The following MOB3B variants were observed in gnomAD, a reference collection of about 807,000 sequenced individuals.
MOB3B encodes the protein MOB kinase activator-like 2B.
MOB3B carries 7 observed loss-of-function variants against 18.7 expected under a neutral mutation model. That is an observed-to-expected ratio of 0.37 (90% CI 0.21 to 0.70). The LOEUF (loss-of-function observed/expected upper bound fraction) is 0.70. Ranked by LOEUF, MOB3B falls within the 30% of genes least tolerant of loss-of-function variation. MOB3B has a pLI of 0.52. For missense variants in MOB3B, 253 were observed against 281.3 expected (o/e 0.90, Z 0.72); for synonymous variants, 111 against 99.9 (o/e 1.11, Z -0.66).
At chr9:27,345,605 T>C (rs1217162164) in intron 3 of MOB3B, among the ~76,000 whole-genome samples, 1 of 152,180 alleles carries the variant, frequency 6.6e-6, no homozygotes, top group Non-Finnish European at 1.5e-5. Context: ...TGTTAACTGA[T>C]ATTTGTTACC....
chr9:27,456,641 G>GT (rs1345045738), intron 1 of MOB3B, among the ~76,000 whole-genome samples: 2 of 152,148 alleles, frequency 1.3e-5, no homozygotes, highest in Non-Finnish European at 2.9e-5. Flanking sequence ...AACTATGACA[G>GT]TATTTGTCAC....
intron 2 of MOB3B, among the ~76,000 whole-genome samples, chr9:27,379,875 T>C (rs1376565611): frequency 1.3e-5 from 2 of 152,228 alleles, no homozygotes; most frequent in Admixed American, 6.5e-5. Flanking sequence ...TTCAATATAG[T>C]ACAAAGTGTA....
At chr9:27,378,968 G>T (rs1048542150) in intron 2 of MOB3B, among the ~76,000 whole-genome samples, 1 of 152,148 alleles carries the variant, frequency 6.6e-6, no homozygotes, top group Non-Finnish European at 1.5e-5. Context: ...GCTCTGTTCT[G>T]CCTCCTCAGG....
intron 1 of MOB3B, among the ~76,000 whole-genome samples, chr9:27,497,803 T>G (rs1819922636): frequency 6.6e-6 from 1 of 152,206 alleles, no homozygotes; most frequent in African/African-American, 2.4e-5. Flanking sequence ...ACATTTGGCT[T>G]TAACTTCTTG....
chr9:27,332,866 T>C (rs1820808159), intron 3 of MOB3B, among the ~76,000 whole-genome samples: 1 of 152,232 alleles, frequency 6.6e-6, no homozygotes, highest in Non-Finnish European at 1.5e-5. Context: ...GGCTTGCTCT[T>C]TCTACTACAC....
chr9:27,528,064 A>C (rs1164564543), intron 1 of MOB3B, among the ~76,000 whole-genome samples: 2 of 152,194 alleles, frequency 1.3e-5, no homozygotes, highest in African/African-American at 2.4e-5. Flanking sequence ...TACAATGAAG[A>C]AAGGGGACTT....
At chr9:27,387,514 A>T (rs1821665379) in intron 2 of MOB3B, among the ~76,000 whole-genome samples, 1 of 152,218 alleles carries the variant, frequency 6.6e-6, no homozygotes, top group Non-Finnish European at 1.5e-5. Context: ...GGAATTCAAT[A>T]AGCTAATATG....
intron 1 of MOB3B, among the ~76,000 whole-genome samples, chr9:27,473,292 G>A (rs748114152): frequency 6.6e-6 from 1 of 152,174 alleles, no homozygotes; most frequent in African/African-American, 2.4e-5. Context: ...CTTGTGAAAT[G>A]TGAGTACAAT....
At chr9:27,346,909 T>C (rs1821037675) in intron 3 of MOB3B, among the ~76,000 whole-genome samples, 1 of 152,104 alleles carries the variant, frequency 6.6e-6, no homozygotes, top group African/African-American at 2.4e-5. Flanking sequence ...GGTGGGAGAA[T>C]TGCTTGAACC....
At chr9:27,482,548 C>T (rs1446999985) in intron 1 of MOB3B, among the ~76,000 whole-genome samples, 1 of 152,192 alleles carries the variant, frequency 6.6e-6, no homozygotes, top group Non-Finnish European at 1.5e-5. Context: ...ATAGACCTTA[C>T]TATGAGGTAA....
chr9:27,381,567 C>T (rs146424741), intron 2 of MOB3B, among the ~76,000 whole-genome samples: 30 of 152,280 alleles, frequency 2.0e-4, no homozygotes, highest in African/African-American at 7.2e-4. Context: ...CACCAGTCAT[C>T]GCACTCTAGG....
At chr9:27,343,044 G>A (rs1431037514) in intron 3 of MOB3B, among the ~76,000 whole-genome samples, 2 of 151,888 alleles carry the variant, frequency 1.3e-5, no homozygotes, top group Non-Finnish European at 2.9e-5. Context: ...ATAGAAAAGG[G>A]GGAAATGTGG....
intron 1 of MOB3B, among the ~76,000 whole-genome samples, chr9:27,471,174 A>G (rs1431439480): frequency 6.6e-6 from 1 of 152,090 alleles, no homozygotes. Context: ...GCTGCTCTCC[A>G]GGATTTAAGA....
chr9:27,407,923 A>G (rs1322877301), intron 2 of MOB3B, among the ~76,000 whole-genome samples: 1 of 150,980 alleles, frequency 6.6e-6, no homozygotes, highest in Non-Finnish European at 1.5e-5. Flanking sequence ...TTGATAATCC[A>G]TCACACCTCA....
intron 2 of MOB3B, among the ~76,000 whole-genome samples, chr9:27,452,625 A>T (rs542546562): frequency 6.6e-6 from 1 of 152,336 alleles, no homozygotes; most frequent in South Asian, 2.1e-4. Flanking sequence ...ACAAATGGCT[A>T]ACAGGTATAT....
chr9:27,357,908 A>AAAAAAAAAAAG (rs1821216992), intron 3 of MOB3B, among the ~76,000 whole-genome samples: 2 of 145,174 alleles, frequency 1.4e-5, no homozygotes, highest in Non-Finnish European at 3.0e-5. Flanking sequence ...AAAAAAAAAA[A>AAAAAAAAAAAG]AAAAAAAAAA....
At chr9:27,490,652 G>T (rs1048584048) in intron 1 of MOB3B, among the ~76,000 whole-genome samples, 3 of 152,136 alleles carry the variant, frequency 2.0e-5, no homozygotes, top group Non-Finnish European at 4.4e-5. Context: ...AGGAGTGGGA[G>T]AGGAGGTCCA....
intron 1 of MOB3B, among the ~76,000 whole-genome samples, chr9:27,467,473 C>T (rs946508867): frequency 2.0e-5 from 3 of 152,172 alleles, no homozygotes; most frequent in Admixed American, 6.5e-5. Flanking sequence ...CCATAATGTG[C>T]TCTTTCTTTG....
chr9:27,372,440 T>C (rs1261580453), intron 2 of MOB3B, among the ~76,000 whole-genome samples: 2 of 152,216 alleles, frequency 1.3e-5, no homozygotes, highest in Non-Finnish European at 2.9e-5. Flanking sequence ...AGGAGATGAA[T>C]GAAGCTCTTG....
Sources: allele counts gnomAD v4.1 joint callset (sites outside exome capture counted in the v4.1 genomes callset), GRCh38; gene constraint gnomAD v4.1.1; transcripts MANE v1.5; gene names NCBI Gene and HGNC (gene_info 2026-07-23, HGNC 2026-07-21).